Variants in PRMT3 observed in about 807,000 individuals in gnomAD.
PRMT3 encodes the protein protein arginine N-methyltransferase 3.
In PRMT3, 62 loss-of-function variants were observed where a neutral mutation model predicts 71.9. The observed-to-expected ratio is 0.86, with a 90% CI of 0.70 to 1.07. The LOEUF (loss-of-function observed/expected upper bound fraction) is 1.07, where lower values mean the gene tolerates loss of function less well. PRMT3 is among the 50% of genes least tolerant of loss of function. PRMT3 has a pLI of 0.00. For synonymous variants in PRMT3, 213 were observed against 220.4 expected (o/e 0.97, Z 0.30); for missense variants, 663 against 643.0 (o/e 1.03, Z -0.34).
intron 10 of PRMT3, among the ~76,000 whole-genome samples, chr11:20,449,864 C>T (rs143840220): frequency 6.6e-6 from 1 of 152,126 alleles, no homozygotes; most frequent in African/African-American, 2.4e-5. Context: ...TTTCAGCCTT[C>T]AGGAATATAG....
chr11:20,401,435 A>C (rs972677407), intron 7 of PRMT3, among the ~76,000 whole-genome samples: 6 of 152,160 alleles, frequency 3.9e-5, no homozygotes, highest in Admixed American at 1.3e-4. Flanking sequence ...ATTTTTTTGT[A>C]AAGCAGTGAG....
rs879917938 is a variant in PRMT3, at chr11:20,417,773, G to GTC, written c.894-8992_894-8991dup. On this transcript the variant is annotated intron_variant, in intron 9 of 15. Transcript: ENST00000331079. ...TAAATTTGCTTCTCTCTCTCTCTCTGTCACACACACACACACACACACACA... is the reference window on the plus strand; with the variant it reads ...TAAATTTGCTTCTCTCTCTCTCTCTGTCTCACACACACACACACACACACACA... 9.4e-3 allele frequency among the ~76,000 whole-genome samples: 466 copies of GTC among 49,374 alleles called. 8 individuals carry two copies. Among genetic ancestry groups the GTC allele is most frequent in the Admixed American group, 0.044 (390 of 8,912 alleles). 32.4% of individuals were successfully genotyped at this position (49,374 alleles called of 152,430 possible). A position where few individuals can be genotyped will look rare whatever the true frequency, so the allele number is the denominator to read the frequency against.
intron 13 of PRMT3, among the ~76,000 whole-genome samples, chr11:20,482,249 T>C (rs1469145672): frequency 1.3e-5 from 2 of 152,114 alleles, no homozygotes; most frequent in Non-Finnish European, 2.9e-5. Context: ...TTTTAAAAAA[T>C]TCTGATTCTA....
At chr11:20,427,267 A>G (rs745901884) in intron 10 of PRMT3, among the ~76,000 whole-genome samples, 1 of 152,222 alleles carries the variant, frequency 6.6e-6, no homozygotes. Flanking sequence ...TGAATGTCCT[A>G]TCTTTCTAAT....
At chr11:20,428,652 A>G (rs1849594802) in intron 10 of PRMT3, among the ~76,000 whole-genome samples, 1 of 152,196 alleles carries the variant, frequency 6.6e-6, no homozygotes, top group Non-Finnish European at 1.5e-5. Context: ...ACTGGAATCC[A>G]TTTTGTACCC....
At chr11:20,421,284 C>T (rs917694262) in intron 9 of PRMT3, among the ~76,000 whole-genome samples, 30 of 152,258 alleles carry the variant, frequency 2.0e-4, no homozygotes, top group African/African-American at 5.8e-4. Flanking sequence ...GCAATCCTCC[C>T]GTCTTGGCCT....
chr11:20,492,357 A>G (rs1267915261), intron 13 of PRMT3, among the ~76,000 whole-genome samples: 1 of 152,182 alleles, frequency 6.6e-6, no homozygotes, highest in Non-Finnish European at 1.5e-5. Flanking sequence ...GAAATATTCT[A>G]ATTAACCACG....
chr11:20,491,647 G>A (rs181064293), intron 13 of PRMT3, among the ~76,000 whole-genome samples: 7 of 152,270 alleles, frequency 4.6e-5, no homozygotes, highest in Admixed American at 2.0e-4. Context: ...CCAATCTCAC[G>A]TCAGTTCTCT....
intron 13 of PRMT3, among the ~76,000 whole-genome samples, chr11:20,479,003 G>C (rs1850865690): frequency 6.6e-6 from 1 of 152,178 alleles, no homozygotes; most frequent in African/African-American, 2.4e-5. Flanking sequence ...CTTAGAAATA[G>C]TAAGATTTGT....
At chr11:20,438,511 A>G (rs1849813347) in intron 10 of PRMT3, among the ~76,000 whole-genome samples, 1 of 152,098 alleles carries the variant, frequency 6.6e-6, no homozygotes, top group South Asian at 2.1e-4. Context: ...GTCTAGCTTC[A>G]GGCAAGCAGG....
chr11:20,397,533 G>T (rs1165364007), intron 6 of PRMT3, 44 bp from the exon 7 acceptor site: 2 of 1,597,984 alleles, frequency 1.3e-6, no homozygotes. Flanking sequence ...TTTATTCATG[G>T]TCCAATAAAC....
chr11:20,395,475 C>T (rs1848804351), intron 5 of PRMT3, among the ~76,000 whole-genome samples: 1 of 151,842 alleles, frequency 6.6e-6, no homozygotes, highest in African/African-American at 2.4e-5. Context: ...TCCCAGGTAG[C>T]TGGGACTAAA....
intron 10 of PRMT3, among the ~76,000 whole-genome samples, chr11:20,451,326 C>T (rs1038600193): frequency 6.6e-6 from 1 of 151,788 alleles, no homozygotes; most frequent in African/African-American, 2.4e-5. Context: ...GGTCTGTAGT[C>T]AGAAAGTGGG....
At chr11:20,482,813 TGG>T (rs1850972200) in intron 13 of PRMT3, among the ~76,000 whole-genome samples, 1 of 892 alleles carries the variant, frequency 1.1e-3, no homozygotes. Context: ...TCACTCCTCA[TGG>T]AAAGACAAGT....
Position 20,395,866 on chromosome 11 carries a change from A to G in PRMT3, c.464A>G (p.Asn155Ser), listed in dbSNP as rs1375060065. ...TCATACCCCAATGGACTCAGTGAAA[A>G]TACATCTGTTGTTGAAAAATTGAAA... ...PFSYPNGLSE[N>S]TSVVEKLKHM... The change falls in exon 6 of 16, where the codon AAT becomes AGT. Residue 155 changes from asparagine to serine, a missense_variant. By Grantham distance (46) the Asn-to-Ser change is conservative. Coordinates refer to ENST00000331079, the MANE Select transcript of PRMT3 (RefSeq NM_005788.4). 2.5e-6 allele frequency: 4 copies of G among 1,614,124 alleles called. No homozygotes were observed. The highest frequency in any genetic ancestry group is 3.4e-6 in the Non-Finnish European group (4 of 1,180,006).
chr11:20,492,052 T>G (rs1350257175), intron 13 of PRMT3, among the ~76,000 whole-genome samples: 1 of 152,196 alleles, frequency 6.6e-6, no homozygotes, highest in Non-Finnish European at 1.5e-5. Context: ...TATATAACAT[T>G]GTATTGGGTA....
intron 9 of PRMT3, among the ~76,000 whole-genome samples, chr11:20,421,845 G>A (rs940633322): frequency 1.3e-5 from 2 of 151,984 alleles, no homozygotes; most frequent in African/African-American, 2.4e-5. Context: ...GCCTCCTAAC[G>A]GTAAGATTAC....
In PRMT3 at chr11:20,424,057, G is replaced by A. The variant is rs978389726; in HGVS notation, c.894-2709G>A. Among the ~76,000 whole-genome samples, 14 of 151,604 alleles carry A rather than the reference G, an allele frequency of 9.2e-5. No individual in the cohort carries two copies. In the East Asian group the frequency reaches 2.0e-3, roughly 21 times the overall value. ...AAATTAGCTGGGTGTGGTGGCGGGC[G>A]CCTGTAGTCCCAGCTACTCGGGAGG... On this transcript the variant is annotated intron_variant, in intron 9 of 15. Transcript: ENST00000331079.
intron 3 of PRMT3, among the ~76,000 whole-genome samples, chr11:20,390,149 C>A (rs569088686): frequency 4.0e-4 from 58 of 145,748 alleles, no homozygotes; most frequent in Non-Finnish European, 4.7e-4. Context: ...AGACTCTTCT[C>A]AAAAAAAAAA....
Sources: gnomAD v4.1 joint callset for allele counts (sites outside exome capture counted in the v4.1 genomes callset) on GRCh38, gnomAD v4.1.1 for gene constraint, MANE v1.5 for transcripts, NCBI Gene and HGNC (gene_info 2026-07-23, HGNC 2026-07-21) for gene names.